Variants in RBFOX1 observed in about 807,000 individuals in gnomAD.
The protein encoded by RBFOX1 is RNA binding fox-1 homolog 1, also known as RNA binding protein fox-1 homolog 1.
A neutral mutation model predicts 57.7 loss-of-function variants in RBFOX1; 8 were observed. The ratio of observed to expected loss-of-function variants is 0.14; its 90% CI spans 0.08 to 0.25. RBFOX1 has a LOEUF of 0.25. RBFOX1 is among the 10% of genes least tolerant of loss of function. RBFOX1 has a pLI of 1.00. For synonymous variants in RBFOX1, 326 were observed against 222.4 expected (o/e 1.47, Z -4.15); for missense variants, 611 against 548.5 (o/e 1.11, Z -1.14).
chr16:7,116,211 T>C (rs560850705), intron 4 of RBFOX1, among the ~76,000 whole-genome samples: 1 of 152,282 alleles, frequency 6.6e-6, no homozygotes, highest in South Asian at 2.1e-4. Flanking sequence ...CAGTTCATTT[T>C]CACCACCTTC....
intron 1 of RBFOX1, among the ~76,000 whole-genome samples, chr16:5,341,413 G>T (rs74438056): frequency 0.014 from 2,162 of 152,278 alleles, 55 homozygotes; most frequent in African/African-American, 0.05. Context: ...GATCATGGGG[G>T]GTAGAATGTC....
At chr16:5,513,620 T>C (rs8047061) in intron 2 of RBFOX1, among the ~76,000 whole-genome samples, 40,654 of 152,138 alleles carry the variant, frequency 0.27, 5,726 homozygotes, top group Non-Finnish European at 0.31. Context: ...AATTCTTCTC[T>C]ATGGGATATT....
chr16:6,533,092 C>G (rs1300050462), intron 2 of RBFOX1, among the ~76,000 whole-genome samples: 1 of 152,158 alleles, frequency 6.6e-6, no homozygotes, highest in African/African-American at 2.4e-5. Context: ...CAGGAGCATC[C>G]TAGGTTGGCC....
At chr16:7,431,062 G>A (rs748409660) in intron 4 of RBFOX1, among the ~76,000 whole-genome samples, 59 of 152,262 alleles carry the variant, frequency 3.9e-4, no homozygotes, top group Non-Finnish European at 7.6e-4. Flanking sequence ...TTTCTACTAA[G>A]GCACAGGCAG....
chr16:5,688,554 C>T (rs528309349), intron 3 of RBFOX1, among the ~76,000 whole-genome samples: 2 of 152,152 alleles, frequency 1.3e-5, no homozygotes. Context: ...CTTTCCTCCT[C>T]AGCTCTGAGA....
rs145001935 is a variant in RBFOX1, at chr16:6,385,197, G to C, written c.-64+68140G>C. Among the ~76,000 whole-genome samples, 307 of 152,296 alleles carry C rather than the reference G, an allele frequency of 2.0e-3. 2 individuals are homozygous for C. The highest frequency in any genetic ancestry group is 7.1e-3 in the African/African-American group (295 of 41,560). ...CAAGATAAAGCTGTTAAAGCTGGTT[G>C]AGCCAAGCTTTTTCGTATTTAAATA... On this transcript the variant is annotated intron_variant, in intron 2 of 15. Coordinates refer to ENST00000550418, the MANE Select transcript of RBFOX1 (RefSeq NM_018723.4).
chr16:5,462,780 C>G (rs1172699741), intron 1 of RBFOX1, among the ~76,000 whole-genome samples: 1 of 152,056 alleles, frequency 6.6e-6, no homozygotes, highest in African/African-American at 2.4e-5. Flanking sequence ...TTCTGGAGTC[C>G]TTTTTGGTTG....
chr16:5,684,422 C>T (rs1007000989), intron 3 of RBFOX1, among the ~76,000 whole-genome samples: 25 of 152,244 alleles, frequency 1.6e-4, no homozygotes, highest in South Asian at 4.2e-4. Flanking sequence ...AAATGAGTGA[C>T]GCCACAATGC....
intron 13 of RBFOX1, among the ~76,000 whole-genome samples, chr16:7,671,795 C>G (rs559717714): frequency 1.1e-3 from 165 of 152,300 alleles, no homozygotes; most frequent in Non-Finnish European, 2.1e-3. Context: ...ATCAGTATAT[C>G]CACTGTGTTG....
At chr16:6,245,655 G>A (rs1353287005) in intron 1 of RBFOX1, among the ~76,000 whole-genome samples, 1 of 152,176 alleles carries the variant, frequency 6.6e-6, no homozygotes, top group Non-Finnish European at 1.5e-5. Context: ...ATGCACTCTT[G>A]ATGATTCTCT....
chr16:5,473,787 A>G (rs2069222349), intron 2 of RBFOX1, among the ~76,000 whole-genome samples: 1 of 141,414 alleles, frequency 7.1e-6, no homozygotes, highest in Non-Finnish European at 1.5e-5. Context: ...AGATGGATAG[A>G]TGAATTGAAA....
chr16:6,209,071 A>G (rs895298465), intron 1 of RBFOX1, among the ~76,000 whole-genome samples: 8 of 152,130 alleles, frequency 5.3e-5, no homozygotes, highest in Non-Finnish European at 1.5e-5. Flanking sequence ...GAAACTTTGC[A>G]CTGTTTTGAG....
intron 2 of RBFOX1, among the ~76,000 whole-genome samples, chr16:5,560,108 A>G (rs528196927): frequency 1.8e-4 from 27 of 152,324 alleles, no homozygotes; most frequent in African/African-American, 6.5e-4. Context: ...CATTATTTAT[A>G]GAATAAATTT....
intron 1 of RBFOX1, among the ~76,000 whole-genome samples, chr16:5,361,121 A>T (rs140292896): frequency 6.6e-6 from 1 of 152,138 alleles, no homozygotes; most frequent in South Asian, 2.1e-4. Context: ...CTGTGGTTCT[A>T]TTGTCTTTTC....
At chr16:7,666,313 A>C (rs2069242273) in intron 13 of RBFOX1, among the ~76,000 whole-genome samples, 1 of 152,120 alleles carries the variant, frequency 6.6e-6, no homozygotes, top group African/African-American at 2.4e-5. Context: ...AATGAAAGGG[A>C]ATAGACAAGG....
At chr16:7,507,553 TTTTCTTTCTTTC>T (rs983706763) in intron 4 of RBFOX1, among the ~76,000 whole-genome samples, 2 of 98,198 alleles carry the variant, frequency 2.0e-5, no homozygotes, top group Admixed American at 1.9e-4. Context: ...GTGATTTTTT[TTTTCTTTCTTTC>T]TTTTTTTTTT....
chr16:5,855,607 C>G (rs1274608628), intron 3 of RBFOX1, among the ~76,000 whole-genome samples: 1 of 152,110 alleles, frequency 6.6e-6, no homozygotes, highest in African/African-American at 2.4e-5. Flanking sequence ...TGCTACTATA[C>G]TGTTTTGGTT....
At chr16:6,860,365 G>T (rs990535870) in intron 3 of RBFOX1, among the ~76,000 whole-genome samples, 1 of 152,132 alleles carries the variant, frequency 6.6e-6, no homozygotes, top group Admixed American at 6.6e-5. Flanking sequence ...AAGCATCTTG[G>T]AAAGCATTTG....
intron 3 of RBFOX1, among the ~76,000 whole-genome samples, chr16:6,954,751 A>G (rs1443647686): frequency 2.6e-5 from 4 of 152,116 alleles, no homozygotes; most frequent in African/African-American, 4.8e-5. Flanking sequence ...CATGCCCTCC[A>G]GAGGATCTTA....
Sources: gnomAD v4.1 joint callset for allele counts (sites outside exome capture counted in the v4.1 genomes callset) on GRCh38, gnomAD v4.1.1 for gene constraint, MANE v1.5 for transcripts, NCBI Gene and HGNC (gene_info 2026-07-23, HGNC 2026-07-21) for gene names.